TRPM3: variants seen among roughly 807,000 people sequenced by gnomAD.
The protein encoded by TRPM3 is long transient receptor potential channel 3.
Under a neutral mutation model 181.2 loss-of-function variants are expected in TRPM3, and 77 were observed. The observed-to-expected ratio is 0.42, with a 90% confidence interval of 0.35 to 0.51. TRPM3 has a LOEUF of 0.51. Ranked by LOEUF, TRPM3 falls within the 20% of genes least tolerant of loss-of-function variation. The pLI is 0.01. For missense variants in TRPM3, 1,759 were observed against 2,196.7 expected (o/e 0.80, Z 3.98); for synonymous variants, 745 against 796.4 (o/e 0.94, Z 1.09).
intron 1 of TRPM3, among the ~76,000 whole-genome samples, chr9:71,187,609 T>G (rs534471115): frequency 2.6e-5 from 4 of 152,030 alleles, no homozygotes; most frequent in South Asian, 4.2e-4. Context: ...AGTAACAGAT[T>G]TATTTTAACC....
intron 1 of TRPM3, among the ~76,000 whole-genome samples, chr9:70,971,212 A>G (rs1214257831): frequency 6.6e-6 from 1 of 152,180 alleles, no homozygotes; most frequent in East Asian, 1.9e-4. Context: ...AAAGTTTTGT[A>G]TACTTAACCA....
intron 1 of TRPM3, among the ~76,000 whole-genome samples, chr9:70,981,062 A>G (rs4310273): frequency 0.71 from 107,276 of 152,084 alleles, 37,842 homozygotes; most frequent in South Asian, 0.73. Flanking sequence ...CATTAAAGTG[A>G]TTGATTTTTA....
At chr9:71,349,937 C>T (rs2091511814) in intron 1 of TRPM3, among the ~76,000 whole-genome samples, 1 of 150,158 alleles carries the variant, frequency 6.7e-6, no homozygotes, top group East Asian at 2.0e-4. Flanking sequence ...TATATAGACA[C>T]TCCATCATAA....
intron 1 of TRPM3, among the ~76,000 whole-genome samples, chr9:71,088,298 G>A (rs1208196702): frequency 6.6e-6 from 1 of 152,074 alleles, no homozygotes; most frequent in Non-Finnish European, 1.5e-5. Context: ...AATAGATTTT[G>A]AAAGTTGACT....
chr9:71,420,727 G>GAGAGAGAGAAAGAA (rs2093725275), intron 1 of TRPM3, among the ~76,000 whole-genome samples: 6 of 45,310 alleles, frequency 1.3e-4, no homozygotes, highest in Admixed American at 5.1e-4. Flanking sequence ...GAGAAAGAGA[G>GAGAGAGAGAAAGAA]AGAGAGAGAA....
At chr9:70,793,223 G>A (rs1475123929) in intron 6 of TRPM3, among the ~76,000 whole-genome samples, 2 of 152,066 alleles carry the variant, frequency 1.3e-5, no homozygotes, top group Non-Finnish European at 2.9e-5. Context: ...GGAGACCGAG[G>A]CGGGAGGATC....
intron 1 of TRPM3, among the ~76,000 whole-genome samples, chr9:71,241,081 T>G (rs1297538413): frequency 6.6e-6 from 1 of 152,200 alleles, no homozygotes; most frequent in Non-Finnish European, 1.5e-5. Context: ...GAAAAGCAAG[T>G]AAAGAAAAAT....
intron 1 of TRPM3, among the ~76,000 whole-genome samples, chr9:70,956,493 A>C (rs2097073869): frequency 6.6e-6 from 1 of 152,124 alleles, no homozygotes; most frequent in African/African-American, 2.4e-5. Flanking sequence ...ATTAAAACTT[A>C]CTGTTGACTA....
rs2093847421 is a variant in TRPM3, at chr9:71,425,481, C to T, written c.183+21172G>A. Among the ~76,000 whole-genome samples the T allele has an allele frequency of 2.0e-5, 3 of 152,052 alleles. No individual in the cohort carries two copies. The South Asian group carries it at 6.2e-4, about 32-fold the overall frequency. On this transcript the variant is annotated intron_variant, in intron 1 of 24. Transcript: ENST00000357533. The stretch of plus-strand genomic sequence containing the variant: ...TTGATTCATGTGCCTCTCTTAACAC[C>T]CACATGCATATTAATCGCAAATTCA...
chr9:71,423,609 C>A (rs1459231572), intron 1 of TRPM3, among the ~76,000 whole-genome samples: 3 of 152,054 alleles, frequency 2.0e-5, no homozygotes, highest in Non-Finnish European at 4.4e-5. Flanking sequence ...TATCTATATT[C>A]TTCTAGAAAA....
chr9:71,051,993 T>C (rs2060119073), intron 1 of TRPM3, among the ~76,000 whole-genome samples: 1 of 152,140 alleles, frequency 6.6e-6, no homozygotes, highest in Non-Finnish European at 1.5e-5. Context: ...TGGCTTCATG[T>C]TAAGGGGACC....
At chr9:71,298,795 C>T (rs527293575) in intron 1 of TRPM3, among the ~76,000 whole-genome samples, 30 of 152,190 alleles carry the variant, frequency 2.0e-4, no homozygotes, top group African/African-American at 6.7e-4. Context: ...AATGTGCTTT[C>T]ACCTGCAGAA....
At chr9:70,767,680 T>C (rs2079415042) in intron 7 of TRPM3, among the ~76,000 whole-genome samples, 1 of 152,174 alleles carries the variant, frequency 6.6e-6, no homozygotes, top group Non-Finnish European at 1.5e-5. Context: ...ATGTGGCATC[T>C]GTTGAGGCTA....
intron 7 of TRPM3, among the ~76,000 whole-genome samples, chr9:70,763,608 A>G (rs1413207070): frequency 6.6e-6 from 1 of 152,196 alleles, no homozygotes; most frequent in Non-Finnish European, 1.5e-5. Flanking sequence ...TTAGCTGTGG[A>G]CCAGATTGAA....
In TRPM3 at chr9:70,532,738, ATTAC is replaced by A. The variant is rs1554723722; in HGVS notation, c.*3211_*3214del. 1 of 152,228 alleles carries A rather than the reference ATTAC, an allele frequency of 6.6e-6. No homozygotes were observed. Among genetic ancestry groups the A allele is most frequent in the Non-Finnish European group, 1.5e-5 (1 of 68,042 alleles). The allele number at this position is 152,228 out of a possible 1,614,324, so 9.4% of individuals were successfully genotyped here. On this transcript the variant is annotated 3_prime_UTR_variant, in exon 26 of 26. Coordinates refer to ENST00000677713, the MANE Select transcript of TRPM3 (RefSeq NM_001366145.2). ...TGAAGCAGATGATTAAACCGAAGCT[ATTAC>A]TTCCTTGAGCTCTCTATGACTTTAT...
intron 1 of TRPM3, among the ~76,000 whole-genome samples, chr9:70,919,504 C>T (rs2096633220): frequency 6.6e-6 from 1 of 152,196 alleles, no homozygotes; most frequent in Non-Finnish European, 1.5e-5. Flanking sequence ...TGCATCCTGG[C>T]CAGGCACGGT....
intron 1 of TRPM3, among the ~76,000 whole-genome samples, chr9:71,404,114 C>G (rs2093391841): frequency 6.6e-6 from 1 of 152,114 alleles, no homozygotes; most frequent in South Asian, 2.1e-4. Flanking sequence ...CAGCGCCTGG[C>G]CATCTTTATA....
intron 1 of TRPM3, among the ~76,000 whole-genome samples, chr9:71,228,968 C>A (rs974104254): frequency 1.3e-5 from 2 of 151,858 alleles, no homozygotes; most frequent in African/African-American, 2.4e-5. Context: ...AAAAAAAGAT[C>A]AAAAAATTTG....
chr9:71,383,665 C>T (rs1048113882), intron 1 of TRPM3, among the ~76,000 whole-genome samples: 1 of 152,146 alleles, frequency 6.6e-6, no homozygotes, highest in Admixed American at 6.5e-5. Flanking sequence ...GAGGAGACTA[C>T]CCCTTTTTTG....
Sources: allele counts gnomAD v4.1 joint callset (sites outside exome capture counted in the v4.1 genomes callset), GRCh38; gene constraint gnomAD v4.1.1; transcripts MANE v1.5; gene names NCBI Gene and HGNC (gene_info 2026-07-23, HGNC 2026-07-21).